MAPRE1: variants seen among roughly 807,000 people sequenced by gnomAD.
MAPRE1 encodes microtubule associated protein RP/EB family member 1.
MAPRE1 carries 5 observed loss-of-function variants against 32.1 expected under a neutral mutation model. That is an observed-to-expected ratio of 0.16 (90% confidence interval 0.08 to 0.33). The LOEUF (loss-of-function observed/expected upper bound fraction) is 0.33, where lower values mean the gene tolerates loss of function less well. Ranked by LOEUF, MAPRE1 falls within the 10% of genes least tolerant of loss-of-function variation. The probability of loss-of-function intolerance (pLI) is 1.00; values close to 1 mark genes in which losing one functional copy is unlikely to be tolerated. For synonymous variants in MAPRE1, 122 were observed against 118.9 expected (o/e 1.03, Z -0.17); for missense variants, 209 against 327.2 (o/e 0.64, Z 2.79).
At chr20:32,846,007 G>A (rs1172797352) in intron 5 of MAPRE1, among the ~76,000 whole-genome samples, 3 of 152,232 alleles carry the variant, frequency 2.0e-5, no homozygotes, top group Non-Finnish European at 4.4e-5. Flanking sequence ...TGTGAATACA[G>A]TACACTGGAA....
At chr20:32,827,788 G>A (rs1025852288) in intron 2 of MAPRE1, among the ~76,000 whole-genome samples, 5 of 151,402 alleles carry the variant, frequency 3.3e-5, no homozygotes, top group African/African-American at 7.3e-5. Context: ...CCAGCTACCC[G>A]GGAGGCTGAG....
intron 5 of MAPRE1, among the ~76,000 whole-genome samples, chr20:32,844,988 A>G (rs989533991): frequency 7.2e-6 from 1 of 139,610 alleles, no homozygotes; most frequent in Admixed American, 7.5e-5. Context: ...CAGTAGCTGT[A>G]CTGTATGTAT....
chr20:32,821,479 A>T (rs1168000198), intron 1 of MAPRE1, among the ~76,000 whole-genome samples: 1 of 152,184 alleles, frequency 6.6e-6, no homozygotes, highest in African/African-American at 2.4e-5. Flanking sequence ...ACACATCCAG[A>T]TGTGCCCTTT....
chr20:32,827,143 C>G (rs1445421430), intron 2 of MAPRE1, among the ~76,000 whole-genome samples: 2 of 152,090 alleles, frequency 1.3e-5, no homozygotes, highest in African/African-American at 2.4e-5. Context: ...TGGTGGCTCA[C>G]GCCTATAATC....
chr20:32,841,779 A>G (rs1288409616), intron 5 of MAPRE1, among the ~76,000 whole-genome samples: 1 of 152,130 alleles, frequency 6.6e-6, no homozygotes, highest in Non-Finnish European at 1.5e-5. Context: ...CTATCTGGAC[A>G]AGTCAGCCTC....
At chr20:32,842,080 A>T (rs1267070535) in intron 5 of MAPRE1, among the ~76,000 whole-genome samples, 3 of 151,202 alleles carry the variant, frequency 2.0e-5, no homozygotes, top group African/African-American at 4.9e-5. Context: ...TTATTTATTT[A>T]TTTATTTTTA....
intron 2 of MAPRE1, among the ~76,000 whole-genome samples, chr20:32,832,947 A>T (rs541285769): frequency 7.3e-5 from 11 of 151,222 alleles, no homozygotes; most frequent in South Asian, 6.3e-4. Flanking sequence ...TGTCTCAAAA[A>T]AAATAAATAA....
chr20:32,839,278 T>G (rs754283316), intron 4 of MAPRE1, among the ~76,000 whole-genome samples: 1 of 152,220 alleles, frequency 6.6e-6, no homozygotes, highest in Non-Finnish European at 1.5e-5. Flanking sequence ...TGTGTGCTCA[T>G]GTCTAGCGTG....
In MAPRE1 at chr20:32,839,723, T is replaced by A; in HGVS notation, c.476-12T>A. 1 of 1,613,184 alleles carries A rather than the reference T, an allele frequency of 6.2e-7. No individual in the cohort carries two copies. The highest frequency in any genetic ancestry group is 8.5e-7 in the Non-Finnish European group (1 of 1,179,720). On this transcript the variant is annotated splice_polypyrimidine_tract_variant and intron_variant, in intron 4 of 6. Transcript: ENST00000375571. ...ATTACTCCTTTTCAAAAACCTGTGC[T>A]CTCTTTTTCAGCTCCCCAGAGGCCC...
At position 32,848,855 on chromosome 20, in the gene MAPRE1, C is replaced by T; in HGVS notation, c.*127C>T. On this transcript the variant is annotated 3_prime_UTR_variant, in exon 7 of 7. Transcript: ENST00000375571. ...TTTTCATAAGCAAAAAGTACCTCTT[C>T]TTAAAGTGCACTTTGCAGACGTTTC... 1 of 695,894 alleles carries T rather than the reference C, an allele frequency of 1.4e-6. No homozygotes were observed. Among genetic ancestry groups the T allele is most frequent in the Non-Finnish European group, 2.3e-6 (1 of 436,792 alleles). 43.1% of individuals were successfully genotyped at this position (695,894 alleles called of 1,614,324 possible).
chr20:32,840,971 A>G (rs1983342505), intron 5 of MAPRE1, among the ~76,000 whole-genome samples: 1 of 152,078 alleles, frequency 6.6e-6, no homozygotes, highest in Non-Finnish European at 1.5e-5. Flanking sequence ...GTGCGCCACC[A>G]CGCCTGGCTG....
Position 32,849,958 on chromosome 20 carries a change from ATTTAAAATAC to A in MAPRE1, c.*1233_*1242del, listed in dbSNP as rs1183115921. On this transcript the variant is annotated 3_prime_UTR_variant, in exon 7 of 7. Transcript: ENST00000375571. Reference sequence around the variant, plus strand: ...TACCGTGTCTGAATTAATTATTAATATTTAAAATACTTCATTCCTTAACTCTCCCTCATTT... The same window carrying A: ...TACCGTGTCTGAATTAATTATTAATATTCATTCCTTAACTCTCCCTCATTT... 1 of 152,668 alleles carries A rather than the reference ATTTAAAATAC, an allele frequency of 6.6e-6. No homozygotes were observed. Among genetic ancestry groups the A allele is most frequent in the African/African-American group, 2.4e-5 (1 of 41,458 alleles). The allele number at this position is 152,668 out of a possible 1,614,324, so 9.5% of individuals were successfully genotyped here.
At chr20:32,844,878 C>T (rs1344661108) in intron 5 of MAPRE1, among the ~76,000 whole-genome samples, 3 of 152,124 alleles carry the variant, frequency 2.0e-5, no homozygotes, top group Admixed American at 2.0e-4. Context: ...ATCCCCTGCT[C>T]TTTGGGGCTG....
intron 4 of MAPRE1, among the ~76,000 whole-genome samples, chr20:32,839,043 C>T (rs1197224459): frequency 6.6e-6 from 1 of 152,114 alleles, no homozygotes; most frequent in Non-Finnish European, 1.5e-5. Flanking sequence ...TACTGAGAGA[C>T]GTCTATAAAT....
chr20:32,820,291 G>T (rs1181374766), intron 1 of MAPRE1, among the ~76,000 whole-genome samples: 1 of 152,120 alleles, frequency 6.6e-6, no homozygotes, highest in Non-Finnish European at 1.5e-5. Context: ...CTGGGCCGCC[G>T]CTGAGGTGTG....
intron 3 of MAPRE1, among the ~76,000 whole-genome samples, chr20:32,835,124 T>C (rs1019497224): frequency 2.6e-5 from 4 of 152,048 alleles, no homozygotes; most frequent in Non-Finnish European, 5.9e-5. Flanking sequence ...ACTCTGGAGG[T>C]TGAGGCAGGA....
At chr20:32,846,281 G>A (rs1323458943) in intron 5 of MAPRE1, among the ~76,000 whole-genome samples, 1 of 152,140 alleles carries the variant, frequency 6.6e-6, no homozygotes, top group Non-Finnish European at 1.5e-5. Context: ...CAGTCCCTTG[G>A]TAAGGACTCA....
rs530239604 is a variant in MAPRE1 at position 32,832,489 on chromosome 20, C to T, written c.122-1228C>T. Among the ~76,000 whole-genome samples, 55 of 130,796 alleles carry T rather than the reference C, an allele frequency of 4.2e-4. 3 individuals are homozygous for T. In the South Asian group the frequency reaches 0.013, roughly 30 times the overall value. The allele number at this position is 130,796 out of a possible 152,430, so 85.8% of individuals were successfully genotyped here. A position where few individuals can be genotyped will look rare whatever the true frequency, so the allele number is the denominator to read the frequency against. ...CTCTTTTTTTTTTTTTTTTTTGAGA[C>T]GAGGTCTCTCTCTGTCCCCCAGGCT... On this transcript the variant is annotated intron_variant, in intron 2 of 6. Coordinates refer to ENST00000375571, the MANE Select transcript of MAPRE1 (RefSeq NM_012325.3).
chr20:32,848,592 A>T (rs1322304740), intron 6 of MAPRE1, 80 bp from the exon 7 acceptor site: 8 of 1,039,244 alleles, frequency 7.7e-6, no homozygotes, highest in South Asian at 1.4e-5. Context: ...TGTTTTTAAG[A>T]GGCTGTAAGT....
Sources: allele counts gnomAD v4.1 joint callset (sites outside exome capture counted in the v4.1 genomes callset), GRCh38; gene constraint gnomAD v4.1.1; transcripts MANE v1.5; gene names NCBI Gene and HGNC (gene_info 2026-07-23, HGNC 2026-07-21).